The following ACTN4 variants were observed in gnomAD, a reference collection of about 807,000 sequenced individuals.
ACTN4 encodes the protein actinin alpha 4.
A neutral mutation model predicts 114.2 loss-of-function variants in ACTN4; 18 were observed. That is an observed-to-expected ratio of 0.16 (90% CI 0.11 to 0.23). ACTN4 has a LOEUF of 0.23. Ranked by LOEUF, ACTN4 falls within the 10% of genes least tolerant of loss-of-function variation. The pLI is 1.00. For synonymous variants in ACTN4, 515 were observed against 506.3 expected (o/e 1.02, Z -0.23); for missense variants, 722 against 1,262.9 (o/e 0.57, Z 6.49).
Position 38,730,457 on chromosome 19 carries a change from A to ATTGAT in ACTN4, c.*1027_*1028insGATTT, listed in dbSNP as rs1031527911. The ATTGAT allele has an allele frequency of 4.8e-6, 1 of 208,158 alleles. No homozygotes were observed. Among genetic ancestry groups the ATTGAT allele is most frequent in the Admixed American group, 5.4e-5 (1 of 18,666 alleles). 12.9% of individuals were successfully genotyped at this position (208,158 alleles called of 1,614,324 possible). A position where few individuals can be genotyped will look rare whatever the true frequency, so the allele number is the denominator to read the frequency against. Reference sequence around the variant, plus strand: ...TTTTTTTTTGAGTTTATTCTGATTGATTTTTTTTCTTGGTTTCTGGATAAA... The same window carrying ATTGAT: ...TTTTTTTTTGAGTTTATTCTGATTGATTGATTTTTTTTTCTTGGTTTCTGGATAAA... On this transcript the variant is annotated 3_prime_UTR_variant, in exon 21 of 21. Coordinates refer to ENST00000252699, the MANE Select transcript of ACTN4 (RefSeq NM_004924.6).
intron 1 of ACTN4, among the ~76,000 whole-genome samples, chr19:38,696,549 C>A (rs998753652): frequency 2.0e-5 from 3 of 152,084 alleles, no homozygotes; most frequent in African/African-American, 7.2e-5. Context: ...TTTTAATGTC[C>A]CATTCGAACT....
intron 8 of ACTN4, among the ~76,000 whole-genome samples, chr19:38,711,689 G>A (rs1199641872): frequency 1.3e-5 from 2 of 152,232 alleles, no homozygotes; most frequent in African/African-American, 4.8e-5. Flanking sequence ...TGACTGCCCG[G>A]CGTTCCCACT....
intron 1 of ACTN4, among the ~76,000 whole-genome samples, chr19:38,664,749 C>T (rs1420472811): frequency 6.6e-6 from 1 of 151,986 alleles, no homozygotes; most frequent in Non-Finnish European, 1.5e-5. Context: ...TTAAGACTTC[C>T]GGGGAGGCCC....
intron 11 of ACTN4, among the ~76,000 whole-genome samples, chr19:38,719,691 C>T (rs1568739896): frequency 6.6e-6 from 1 of 152,264 alleles, no homozygotes; most frequent in Non-Finnish European, 1.5e-5. Context: ...CAGGTGGCTC[C>T]AGCCGTCCTT....
intron 1 of ACTN4, among the ~76,000 whole-genome samples, chr19:38,700,391 C>T (rs1968231451): frequency 1.3e-5 from 2 of 152,270 alleles, no homozygotes; most frequent in Middle Eastern, 3.4e-3. Flanking sequence ...CATTAACCAC[C>T]CCGAGCCTCA....
chr19:38,657,677 G>A (rs1976752241), intron 1 of ACTN4, among the ~76,000 whole-genome samples: 3 of 151,902 alleles, frequency 2.0e-5, no homozygotes, highest in Admixed American at 1.3e-4. Context: ...ACTTCGTTTC[G>A]GTGGTGAAGG....
intron 1 of ACTN4, among the ~76,000 whole-genome samples, chr19:38,670,939 C>T (rs909235739): frequency 6.7e-6 from 1 of 150,194 alleles, no homozygotes; most frequent in Admixed American, 6.6e-5. Context: ...AAAAAAAAAA[C>T]CTGCAGGCCA....
intron 19 of ACTN4, chr19:38,728,445 T>TCCCC: frequency 1.2e-6 from 1 of 828,866 alleles, no homozygotes; most frequent in Non-Finnish European, 1.5e-6. Flanking sequence ...CTCCTCCTCC[T>TCCCC]CCTCCCCCCC....
intron 1 of ACTN4, among the ~76,000 whole-genome samples, chr19:38,679,274 T>A (rs1967473285): frequency 6.6e-6 from 1 of 152,130 alleles, no homozygotes; most frequent in Non-Finnish European, 1.5e-5. Context: ...CTGGTTTCCA[T>A]CCCCGAGGGC....
chr19:38,730,831 A>T lies in ACTN4; in HGVS notation c.*1399A>T, dbSNP rs1969527128. 6.4e-7 allele frequency: 1 copy of T among 1,550,612 alleles called. No individual in the cohort carries two copies. The highest frequency in any genetic ancestry group is 1.4e-5 in the African/African-American group (1 of 73,076). On this transcript the variant is annotated 3_prime_UTR_variant, in exon 21 of 21. Coordinates refer to ENST00000252699, the MANE Select transcript of ACTN4 (RefSeq NM_004924.6). ...GCTCAGCAACCCTGCCCTGAGCAGC[A>T]GGTGCGCCCATCCGGAGATCCTAGG...
At position 38,705,066 on chromosome 19, in the gene ACTN4, G is replaced by A. The variant is rs199999912; in HGVS notation, c.484+46G>A. On this transcript the variant is annotated intron_variant, in intron 4 of 20. Coordinates refer to ENST00000252699, the MANE Select transcript of ACTN4 (RefSeq NM_004924.6). ...CCCCGCTTCCCACCTGAGTCAGGGC[G>A]GGTTAGAGGAGAGCTGAAGTGTGAT... The A allele has an allele frequency of 1.0e-4, 158 of 1,545,096 alleles. No individual in the cohort carries two copies. The highest frequency in any genetic ancestry group is 6.5e-4 in the East Asian group (29 of 44,566).
chr19:38,719,534 A>G (rs1968964063), intron 11 of ACTN4, among the ~76,000 whole-genome samples: 1 of 152,172 alleles, frequency 6.6e-6, no homozygotes, highest in Non-Finnish European at 1.5e-5. Flanking sequence ...TGAGGGAGGA[A>G]GGGCCTGGCC....
At chr19:38,663,582 G>A (rs1011058908) in intron 1 of ACTN4, among the ~76,000 whole-genome samples, 4 of 152,212 alleles carry the variant, frequency 2.6e-5, no homozygotes, top group African/African-American at 7.2e-5. Flanking sequence ...CAGGAGGGGC[G>A]GGCCTTTGCC....
At chr19:38,696,739 G>T (rs1044503666) in intron 1 of ACTN4, among the ~76,000 whole-genome samples, 3 of 152,114 alleles carry the variant, frequency 2.0e-5, no homozygotes, top group Non-Finnish European at 4.4e-5. Context: ...CAAGACATGG[G>T]GTGAGAACAG....
intron 4 of ACTN4, 40 bp downstream of exon 4, chr19:38,705,060 CA>C (rs1287727198): frequency 1.9e-6 from 3 of 1,570,568 alleles, no homozygotes; most frequent in Non-Finnish European, 2.6e-6. Flanking sequence ...CCACCTGAGT[CA>C]GGGCGGGTTA....
intron 1 of ACTN4, among the ~76,000 whole-genome samples, chr19:38,674,743 A>G (rs561151388): frequency 6.6e-6 from 1 of 152,316 alleles, no homozygotes; most frequent in South Asian, 2.1e-4. Flanking sequence ...ATTAGGGCCG[A>G]GTATCGATTC....
intron 1 of ACTN4, among the ~76,000 whole-genome samples, chr19:38,691,410 A>AC (rs1327777418): frequency 2.7e-5 from 4 of 149,068 alleles, no homozygotes; most frequent in South Asian, 4.3e-4. Context: ...TCAAAAAAAA[A>AC]AAAACAAAAA....
chr19:38,726,612 C>G (rs1224737797), intron 17 of ACTN4, among the ~76,000 whole-genome samples: 1 of 152,236 alleles, frequency 6.6e-6, no homozygotes. Context: ...CATACAGGTC[C>G]ACAGATGCTT....
chr19:38,654,740 G>A (rs183165310), intron 1 of ACTN4, among the ~76,000 whole-genome samples: 70 of 151,972 alleles, frequency 4.6e-4, no homozygotes, highest in Middle Eastern at 3.4e-3. Context: ...GTTTTTTCAC[G>A]TCCCTCCCCT....
Sources: allele counts gnomAD v4.1 joint callset (sites outside exome capture counted in the v4.1 genomes callset), GRCh38; gene constraint gnomAD v4.1.1; transcripts MANE v1.5; gene names NCBI Gene and HGNC (gene_info 2026-07-23, HGNC 2026-07-21).